JMJD1C: variants seen among roughly 807,000 people sequenced by gnomAD.
The protein encoded by JMJD1C is jumonji domain containing 1C.
In JMJD1C, 31 loss-of-function variants were observed where a neutral mutation model predicts 245.3. The ratio of observed to expected loss-of-function variants is 0.13; its 90% CI spans 0.09 to 0.17. The LOEUF (loss-of-function observed/expected upper bound fraction) is 0.17. Among genes scored for constraint, JMJD1C ranks in the 10% least tolerant of loss-of-function variants. The pLI is 1.00. For missense variants in JMJD1C, 2,691 were observed against 3,000.2 expected (o/e 0.90, Z 2.41); for synonymous variants, 1,057 against 1,017.4 (o/e 1.04, Z -0.74).
chr10:63,268,232 CAAA>C (rs5785564), intron 2 of JMJD1C, among the ~76,000 whole-genome samples: 97 of 130,166 alleles, frequency 7.5e-4, no homozygotes, highest in Non-Finnish European at 8.5e-4. Flanking sequence ...TTTAGTCTAC[CAAA>C]AAAAAAAAAA....
intron 3 of JMJD1C, among the ~76,000 whole-genome samples, chr10:63,246,162 T>C (rs1852172957): frequency 6.6e-6 from 1 of 152,008 alleles, no homozygotes; most frequent in African/African-American, 2.4e-5. Flanking sequence ...TGGAAAGCAA[T>C]AATAACAGAA....
In JMJD1C at chr10:63,168,099, C is replaced by T. The variant is rs1355800669; in HGVS notation, c.7569G>A (p.Met2523Ile). The change falls in exon 26 of 26, where the codon ATG (methionine) becomes ATA (isoleucine). Residue 2523 changes from methionine (M) to isoleucine (I), a missense_variant. Around this residue, in one of 9 missense-constraint regions of JMJD1C, gnomAD observed 232 missense variants for 416.1 expected, o/e 0.56. Transcript: ENST00000399262. Reference protein sequence around the residue: ...KNILYHAVKEMVRALKIHEDE... With the variant: ...KNILYHAVKEIVRALKIHEDE... ...CCTCGTGTATCTTCAAGGCTCTCAC[C>T]ATTTCTTTGACTGCATGATACAAAA... 4 of 1,606,602 alleles carry T rather than the reference C, an allele frequency of 2.5e-6. No individual in the cohort carries two copies. Among genetic ancestry groups the T allele is most frequent in the South Asian group, 2.2e-5 (2 of 90,876 alleles).
chr10:63,203,809 A>G (rs1846295318), intron 10 of JMJD1C: 1 of 965,968 alleles, frequency 1.0e-6, no homozygotes, highest in Non-Finnish European at 1.2e-6. Flanking sequence ...TTATACATGT[A>G]TAACGGTGTA....
chr10:63,299,164 C>T (rs1859791695), intron 2 of JMJD1C, among the ~76,000 whole-genome samples: 1 of 151,870 alleles, frequency 6.6e-6, no homozygotes, highest in Admixed American at 6.6e-5. Context: ...TATGAAATAT[C>T]CTTAAACATT....
At chr10:63,491,616 A>G (rs1054419096) in intron 1 of JMJD1C, among the ~76,000 whole-genome samples, 7 of 152,224 alleles carry the variant, frequency 4.6e-5, no homozygotes, top group African/African-American at 1.2e-4. Context: ...CCTATCTTTA[A>G]GAGCCCTTCT....
intron 3 of JMJD1C, among the ~76,000 whole-genome samples, chr10:63,242,049 G>A (rs1851544475): frequency 6.6e-6 from 1 of 152,136 alleles, no homozygotes; most frequent in Non-Finnish European, 1.5e-5. Context: ...TCTATTAAGA[G>A]AAAAGGAGGA....
At chr10:63,503,391 A>T (rs1372364641) in intron 1 of JMJD1C, among the ~76,000 whole-genome samples, 1 of 152,260 alleles carries the variant, frequency 6.6e-6, no homozygotes, top group African/African-American at 2.4e-5. Context: ...TTCTGAGCAA[A>T]AACATTTTCG....
intron 3 of JMJD1C, among the ~76,000 whole-genome samples, chr10:63,225,607 G>A (rs924574304): frequency 1.1e-4 from 17 of 151,928 alleles, no homozygotes; most frequent in African/African-American, 2.7e-4. Context: ...GTGAAACCCC[G>A]TCTCTACTAA....
rs35073293 is a variant in JMJD1C, at chr10:63,357,826, GACACACACAC to G, written c.333+22482_333+22491del. ...AAATGTCAAAAGACACAGACAGACA[GACACACACAC>G]ACACACACACACACACACACACACA... On this transcript the variant is annotated intron_variant, in intron 2 of 25. Coordinates refer to ENST00000399262, the MANE Select transcript of JMJD1C (RefSeq NM_032776.3). Among the ~76,000 whole-genome samples, 382 of 140,530 alleles carry G rather than the reference GACACACACAC, an allele frequency of 2.7e-3. 3 individuals carry two copies. The highest frequency in any genetic ancestry group is 2.4e-3 in the Non-Finnish European group (157 of 65,660). The allele number at this position is 140,530 out of a possible 152,430, so 92.2% of individuals were successfully genotyped here.
At chr10:63,353,129 TG>T (rs1332293586) in intron 2 of JMJD1C, among the ~76,000 whole-genome samples, 1 of 152,234 alleles carries the variant, frequency 6.6e-6, no homozygotes, top group Non-Finnish European at 1.5e-5. Context: ...ATCAAGACCA[TG>T]GGTGTAGACA....
At chr10:63,243,065 T>C (rs905179678) in intron 3 of JMJD1C, among the ~76,000 whole-genome samples, 8 of 143,364 alleles carry the variant, frequency 5.6e-5, no homozygotes, top group African/African-American at 2.1e-4. Flanking sequence ...GATGTAAACT[T>C]TGACTTCTCT....
At chr10:63,319,286 C>T (rs1432154384) in intron 2 of JMJD1C, among the ~76,000 whole-genome samples, 1 of 140,942 alleles carries the variant, frequency 7.1e-6, no homozygotes, top group East Asian at 2.2e-4. Context: ...AAAGCTAATA[C>T]ATTTTCTGCT....
chr10:63,225,326 G>A (rs1849132075), intron 3 of JMJD1C, among the ~76,000 whole-genome samples: 1 of 152,108 alleles, frequency 6.6e-6, no homozygotes. Flanking sequence ...CTAAGCATCT[G>A]CTTTATTAGA....
intron 1 of JMJD1C, among the ~76,000 whole-genome samples, chr10:63,440,403 G>C (rs1160536669): frequency 2.0e-5 from 3 of 150,848 alleles, no homozygotes; most frequent in African/African-American, 7.3e-5. Flanking sequence ...AAGCGTGCGA[G>C]CACACGAAGG....
At chr10:63,302,459 T>G (rs1046355426) in intron 2 of JMJD1C, among the ~76,000 whole-genome samples, 1 of 152,192 alleles carries the variant, frequency 6.6e-6, no homozygotes, top group African/African-American at 2.4e-5. Context: ...AATCTGATAT[T>G]TGAAAAACAG....
chr10:63,374,137 T>C (rs1228761877), intron 2 of JMJD1C, among the ~76,000 whole-genome samples: 2 of 151,906 alleles, frequency 1.3e-5, no homozygotes, highest in African/African-American at 4.8e-5. Context: ...AACTATGAAA[T>C]ATGACAAAAA....
intron 1 of JMJD1C, among the ~76,000 whole-genome samples, chr10:63,500,631 C>A (rs917052622): frequency 3.9e-5 from 6 of 152,078 alleles, no homozygotes; most frequent in Admixed American, 1.3e-4. Context: ...ACTTGAGAGG[C>A]AGAGGCAGGA....
chr10:63,445,163 T>C (rs1951634964), intron 1 of JMJD1C, among the ~76,000 whole-genome samples: 1 of 152,042 alleles, frequency 6.6e-6, no homozygotes, highest in Non-Finnish European at 1.5e-5. Context: ...GAGATTGCAG[T>C]AAGCTATGAC....
intron 1 of JMJD1C, among the ~76,000 whole-genome samples, chr10:63,474,868 A>T (rs1393319650): frequency 6.6e-6 from 1 of 152,052 alleles, no homozygotes; most frequent in East Asian, 1.9e-4. Context: ...AAAAAAAAAA[A>T]GAATGAGTAA....
Sources: gnomAD v4.1 joint callset for allele counts (sites outside exome capture counted in the v4.1 genomes callset) on GRCh38, gnomAD v4.1.1 for gene constraint, gnomAD v4.1.1 regional missense constraint, MANE v1.5 for transcripts, NCBI Gene and HGNC (gene_info 2026-07-23, HGNC 2026-07-21) for gene names.